KIAA1217: variants seen among roughly 807,000 people sequenced by gnomAD.
The protein encoded by KIAA1217 is sickle tail protein homolog.
KIAA1217 carries 88 observed loss-of-function variants against 163.9 expected under a neutral mutation model. The observed-to-expected ratio is 0.54, with a 90% CI of 0.45 to 0.64. The LOEUF is 0.64. KIAA1217 is among the 30% of genes least tolerant of loss of function. The pLI, the probability that KIAA1217 is intolerant of heterozygous loss-of-function variation, is 0.00. For missense variants in KIAA1217, 2,372 were observed against 2,475.0 expected (o/e 0.96, Z 0.88); for synonymous variants, 903 against 923.1 (o/e 0.98, Z 0.39).
At chr10:24,360,082 T>G (rs2049761165) in intron 2 of KIAA1217, among the ~76,000 whole-genome samples, 1 of 139,802 alleles carries the variant, frequency 7.2e-6, no homozygotes, top group Non-Finnish European at 1.5e-5. Flanking sequence ...ACTCTTACTC[T>G]GTCGCCCAGG....
At chr10:24,301,225 A>G (rs2041288538) in intron 2 of KIAA1217, among the ~76,000 whole-genome samples, 1 of 152,166 alleles carries the variant, frequency 6.6e-6, no homozygotes, top group Non-Finnish European at 1.5e-5. Flanking sequence ...TAGTCTTGGC[A>G]TCTTCAAGTT....
chr10:23,874,608 A>T (rs1020571742), intron 1 of KIAA1217, among the ~76,000 whole-genome samples: 7 of 152,022 alleles, frequency 4.6e-5, no homozygotes, highest in African/African-American at 2.4e-5. Context: ...TGCTATAATC[A>T]TATATATAAT....
chr10:24,540,601 A>T (rs2135406744), intron 17 of KIAA1217, among the ~76,000 whole-genome samples: 1 of 152,256 alleles, frequency 6.6e-6, no homozygotes, highest in Non-Finnish European at 1.5e-5. Flanking sequence ...ACCTCCAGTA[A>T]ATAGACCCCC....
At chr10:23,713,330 T>C (rs990895478) in intron 1 of KIAA1217, among the ~76,000 whole-genome samples, 1 of 152,184 alleles carries the variant, frequency 6.6e-6, no homozygotes, top group Admixed American at 6.6e-5. Context: ...TCAAGAGCTA[T>C]TGCTTTCAGC....
intron 5 of KIAA1217, among the ~76,000 whole-genome samples, chr10:24,465,961 T>C (rs1025515232): frequency 2.6e-5 from 4 of 152,198 alleles, no homozygotes; most frequent in African/African-American, 4.8e-5. Flanking sequence ...CCAGGGTGAT[T>C]GCAGTTCCTT....
chr10:24,475,206 C>T (rs1036541760), intron 6 of KIAA1217, among the ~76,000 whole-genome samples: 1 of 152,066 alleles, frequency 6.6e-6, no homozygotes, highest in African/African-American at 2.4e-5. Context: ...GGGACAAGAG[C>T]AAGACTTCAT....
chr10:24,266,681 T>C (rs1162816862), intron 2 of KIAA1217, among the ~76,000 whole-genome samples: 1 of 152,078 alleles, frequency 6.6e-6, no homozygotes, highest in Non-Finnish European at 1.5e-5. Flanking sequence ...ATCAGCACTC[T>C]GTAAAACGCA....
intron 2 of KIAA1217, among the ~76,000 whole-genome samples, chr10:24,175,249 C>A (rs960978825): frequency 5.9e-5 from 9 of 152,120 alleles, no homozygotes; most frequent in Admixed American, 2.0e-4. Context: ...CCTTTGCATC[C>A]CTATAGTTTA....
At chr10:24,043,972 A>G (rs1848805964) in intron 2 of KIAA1217, among the ~76,000 whole-genome samples, 1 of 152,122 alleles carries the variant, frequency 6.6e-6, no homozygotes, top group African/African-American at 2.4e-5. Flanking sequence ...TAAATAAGAC[A>G]TATTTTTGTA....
chr10:23,898,943 A>G (rs1841834665), intron 1 of KIAA1217, among the ~76,000 whole-genome samples: 1 of 152,130 alleles, frequency 6.6e-6, no homozygotes, highest in Non-Finnish European at 1.5e-5. Flanking sequence ...TGAATTATGA[A>G]GTCAGCATTA....
At chr10:24,387,571 A>G (rs1442058900) in intron 3 of KIAA1217, among the ~76,000 whole-genome samples, 9 of 152,310 alleles carry the variant, frequency 5.9e-5, no homozygotes, top group Admixed American at 4.6e-4. Context: ...AGGCAAGAGA[A>G]AGAAATAAAG....
At chr10:24,380,109 A>G (rs2053088894) in intron 2 of KIAA1217, among the ~76,000 whole-genome samples, 1 of 152,134 alleles carries the variant, frequency 6.6e-6, no homozygotes, top group Non-Finnish European at 1.5e-5. Context: ...CTGATTGTGG[A>G]AACAGTCTTG....
intron 2 of KIAA1217, among the ~76,000 whole-genome samples, chr10:24,261,383 G>A (rs1209542252): frequency 6.6e-6 from 1 of 151,794 alleles, no homozygotes; most frequent in Non-Finnish European, 1.5e-5. Context: ...TGTAATCTCA[G>A]CTACTTGGGA....
intron 2 of KIAA1217, among the ~76,000 whole-genome samples, chr10:24,125,363 TGA>T (rs2063435177): frequency 6.8e-6 from 1 of 147,300 alleles, no homozygotes; most frequent in South Asian, 2.2e-4. Context: ...TGTGTGTGTG[TGA>T]ATAGGCTTTA....
intron 2 of KIAA1217, among the ~76,000 whole-genome samples, chr10:24,265,232 C>A (rs1339389954): frequency 3.9e-5 from 6 of 152,216 alleles, no homozygotes; most frequent in African/African-American, 1.4e-4. Context: ...GGCTTCATAT[C>A]TTTGACCATA....
At chr10:24,038,917 T>C (rs938220236) in intron 2 of KIAA1217, among the ~76,000 whole-genome samples, 3 of 152,120 alleles carry the variant, frequency 2.0e-5, no homozygotes, top group African/African-American at 7.2e-5. Context: ...CTAAGTTTTG[T>C]ATTTTTCGTA....
rs1303399401 is a variant in KIAA1217 at position 24,219,756 on chromosome 10, C to T, written c.201C>T (p.His67=). Residue 67 remains histidine, a synonymous_variant, in exon 2 of 21, where the codon CAC becomes CAT. Coordinates refer to ENST00000376454, the MANE Select transcript of KIAA1217 (RefSeq NM_019590.5). ...CTTCCCGCAATATCCCAAGGAGACA[C>T]ACCCTAGGGGGGCCCCGAAGTTCCA... is the stretch of plus-strand genomic sequence containing the variant. ...SKSSRNIPRR[H]TLGGPRSSKE... The T allele has an allele frequency of 1.9e-6, 3 of 1,613,708 alleles. No homozygotes were observed. The highest frequency in any genetic ancestry group is 1.7e-6 in the Non-Finnish European group (2 of 1,179,864).
intron 2 of KIAA1217, among the ~76,000 whole-genome samples, chr10:24,100,062 C>T (rs767604707): frequency 6.6e-6 from 1 of 151,920 alleles, no homozygotes; most frequent in Non-Finnish European, 1.5e-5. Context: ...TTGTCCTCCT[C>T]CTCCCCTCCC....
At chr10:24,533,012 T>C in intron 15 of KIAA1217, 58 bp from the exon 16 acceptor site, 2 of 1,509,350 alleles carry the variant, frequency 1.3e-6, no homozygotes, top group Non-Finnish European at 1.8e-6. Context: ...GATCTGTCCC[T>C]TTTTTGCTAG....
Sources: allele counts gnomAD v4.1 joint callset (sites outside exome capture counted in the v4.1 genomes callset), GRCh38; gene constraint gnomAD v4.1.1; transcripts MANE v1.5; gene names NCBI Gene and HGNC (gene_info 2026-07-23, HGNC 2026-07-21).